ATP11A: variants seen among roughly 807,000 people sequenced by gnomAD.
ATP11A encodes ATPase phospholipid transporting 11A, also known as phospholipid-transporting ATPase IH.
ATP11A carries 81 observed loss-of-function variants against 154.4 expected under a neutral mutation model. That is an observed-to-expected ratio of 0.52 (90% CI 0.44 to 0.63). The LOEUF (loss-of-function observed/expected upper bound fraction) is 0.63, where lower values mean the gene tolerates loss of function less well. Ranked by LOEUF, ATP11A falls within the 30% of genes least tolerant of loss-of-function variation. ATP11A has a pLI of 0.00. For missense variants in ATP11A, 1,316 were observed against 1,474.3 expected, an observed-to-expected ratio of 0.89 and a Z score of 1.76; for synonymous variants, 623 against 585.9, an observed-to-expected ratio of 1.06 and a Z score of -0.91.
At chr13:112,691,507 T>TGTGTGTGC (rs1555299695) in intron 1 of ATP11A, among the ~76,000 whole-genome samples, 6 of 141,698 alleles carry the variant, frequency 4.2e-5, no homozygotes, top group Non-Finnish European at 7.7e-5. Flanking sequence ...TGTGTGTGTG[T>TGTGTGTGC]AGGAGAGGAA....
At chr13:112,731,994 G>A (rs1566397949) in intron 1 of ATP11A, among the ~76,000 whole-genome samples, 4 of 151,992 alleles carry the variant, frequency 2.6e-5, no homozygotes, top group African/African-American at 7.3e-5. Context: ...GCGGGCACTG[G>A]CCTCCCCAGG....
At chr13:112,776,500 G>A (rs1014508609) in intron 1 of ATP11A, among the ~76,000 whole-genome samples, 1 of 152,220 alleles carries the variant, frequency 6.6e-6, no homozygotes, top group African/African-American at 2.4e-5. Flanking sequence ...ATAATTGATC[G>A]GGTGTGAGTT....
rs1372693309 is a variant in ATP11A, at chr13:112,845,338, C to T, written c.1809+2959C>T. ...AGTCCAGTTGCCGGCACTATCGGTA[C>T]TAACCAGTCCAGTTGCCAGCACTAG... On this transcript the variant is annotated intron_variant, in intron 17 of 29. Transcript: ENST00000375645. Among the ~76,000 whole-genome samples, 3 of 118,120 alleles carry T rather than the reference C, an allele frequency of 2.5e-5. 1 individual carries two copies. Among genetic ancestry groups the T allele is most frequent in the Non-Finnish European group, 3.3e-5 (2 of 60,366 alleles). 77.5% of individuals were successfully genotyped at this position (118,120 alleles called of 152,430 possible). A position where few individuals can be genotyped will look rare whatever the true frequency, so the allele number is the denominator to read the frequency against.
intron 1 of ATP11A, among the ~76,000 whole-genome samples, chr13:112,768,040 C>G (rs902729814): frequency 6.6e-6 from 1 of 152,230 alleles, no homozygotes; most frequent in Admixed American, 6.5e-5. Flanking sequence ...CCCGTCACCC[C>G]TGGGATCCGT....
chr13:112,831,612 C>A, intron 13 of ATP11A, 64 bp downstream of exon 13: 3 of 1,549,690 alleles, frequency 1.9e-6, no homozygotes, highest in Non-Finnish European at 2.6e-6. Flanking sequence ...ATGCTGAGTC[C>A]ACCCCTTTTC....
At chr13:112,830,742 C>T (rs1356159505) in intron 12 of ATP11A, among the ~76,000 whole-genome samples, 1 of 152,194 alleles carries the variant, frequency 6.6e-6, no homozygotes, top group Admixed American at 6.5e-5. Context: ...CAAGATGCTG[C>T]CGTGCGTTCC....
At chr13:112,726,765 A>G (rs368560194) in intron 1 of ATP11A, among the ~76,000 whole-genome samples, 6 of 152,336 alleles carry the variant, frequency 3.9e-5, no homozygotes, top group African/African-American at 1.4e-4. Context: ...AAATTATTGG[A>G]TACAGTGCCT....
At chr13:112,733,971 C>A (rs9577833) in intron 1 of ATP11A, among the ~76,000 whole-genome samples, 4 of 152,004 alleles carry the variant, frequency 2.6e-5, no homozygotes, top group African/African-American at 9.7e-5. Context: ...TTTCACTGAT[C>A]GGTCATTTGT....
intron 1 of ATP11A, among the ~76,000 whole-genome samples, chr13:112,715,135 T>C (rs989336297): frequency 2.0e-5 from 3 of 152,174 alleles, no homozygotes; most frequent in African/African-American, 7.2e-5. Context: ...CACGTTTTGC[T>C]CACACATTCA....
intron 1 of ATP11A, among the ~76,000 whole-genome samples, chr13:112,762,166 C>G (rs374168417): frequency 2.6e-5 from 4 of 152,322 alleles, no homozygotes; most frequent in Admixed American, 1.3e-4. Context: ...GGGCAGCTAA[C>G]TGCAGACCTC....
intron 1 of ATP11A, among the ~76,000 whole-genome samples, chr13:112,715,818 C>G (rs967545858): frequency 2.0e-5 from 3 of 151,846 alleles, no homozygotes; most frequent in Non-Finnish European, 4.4e-5. Flanking sequence ...GGGCTTGGAG[C>G]CCTGTTGCTC....
intron 1 of ATP11A, among the ~76,000 whole-genome samples, chr13:112,782,927 C>T (rs1404345897): frequency 6.6e-6 from 1 of 152,194 alleles, no homozygotes; most frequent in Admixed American, 6.5e-5. Context: ...ATGGAAGCCT[C>T]GGCTCCCCGT....
rs142674466 is a variant in ATP11A at position 112,858,260 on chromosome 13, C to T, written c.2637C>T (p.Ile879=). The T allele has an allele frequency of 1.3e-4, 214 of 1,613,916 alleles. 1 individual carries two copies. The East Asian group carries it at 1.8e-3, about 13-fold the overall frequency. The change falls in exon 22 of 30, where the codon ATC becomes ATT. Residue 879 remains isoleucine, a synonymous_variant. Coordinates refer to ENST00000375645, the MANE Select transcript of ATP11A (RefSeq NM_015205.3). ...ACGGGCATTTTTATTACATTAGGAT[C>T]TCTGAGCTCGTGCAGTACTTCTTCT... ...LVHGHFYYIR[I]SELVQYFFYK... is the part of the protein sequence containing the mutation.
chr13:112,693,601 G>A (rs1175706789), intron 1 of ATP11A, among the ~76,000 whole-genome samples: 2 of 152,022 alleles, frequency 1.3e-5, no homozygotes, highest in Non-Finnish European at 2.9e-5. Context: ...TAGCATATGA[G>A]CCATGGGGTA....
At chr13:112,775,916 G>A (rs1028588086) in intron 1 of ATP11A, among the ~76,000 whole-genome samples, 53 of 152,252 alleles carry the variant, frequency 3.5e-4, no homozygotes, top group African/African-American at 1.1e-3. Flanking sequence ...GTACGCCCCC[G>A]TCCCCTTCTC....
chr13:112,836,352 G>C (rs2079234255), intron 16 of ATP11A, 101 bp downstream of exon 16: 2 of 654,696 alleles, frequency 3.1e-6, no homozygotes, highest in African/African-American at 1.8e-5. Context: ...TAGGGTTTAA[G>C]AATGATTTAT....
At chr13:112,704,101 G>C (rs1026633686) in intron 1 of ATP11A, among the ~76,000 whole-genome samples, 19 of 152,328 alleles carry the variant, frequency 1.2e-4, no homozygotes, top group African/African-American at 4.1e-4. Flanking sequence ...TGTCCCAGGC[G>C]GGGGAGTCAC....
At chr13:112,707,884 G>A (rs369656660) in intron 1 of ATP11A, among the ~76,000 whole-genome samples, 7 of 152,080 alleles carry the variant, frequency 4.6e-5, no homozygotes, top group African/African-American at 1.7e-4. Flanking sequence ...GGCCTGTGCC[G>A]GTCTGATCCA....
chr13:112,802,079 T>G (rs1247837335), intron 2 of ATP11A, among the ~76,000 whole-genome samples: 1 of 152,150 alleles, frequency 6.6e-6, no homozygotes, highest in Admixed American at 6.5e-5. Context: ...GCGTGGCGGC[T>G]CACACCTGTC....
Sources: allele counts gnomAD v4.1 joint callset (sites outside exome capture counted in the v4.1 genomes callset), GRCh38; gene constraint gnomAD v4.1.1; transcripts MANE v1.5; gene names NCBI Gene and HGNC (gene_info 2026-07-23, HGNC 2026-07-21).